ARFGEF1: variants seen among roughly 807,000 people sequenced by gnomAD.
ARFGEF1 encodes brefeldin A-inhibited guanine nucleotide-exchange protein 1.
A neutral mutation model predicts 231.0 loss-of-function variants in ARFGEF1; 42 were observed. The ratio of observed to expected loss-of-function variants is 0.18; its 90% CI spans 0.14 to 0.24. The LOEUF (loss-of-function observed/expected upper bound fraction) is 0.24, where lower values mean the gene tolerates loss of function less well. ARFGEF1 is among the 10% of genes least tolerant of loss of function. The pLI is 1.00. For synonymous variants in ARFGEF1, 710 were observed against 732.3 expected (o/e 0.97, Z 0.49); for missense variants, 1,345 against 2,192.0 (o/e 0.61, Z 7.72).
At chr8:67,269,181 T>C (rs1211731704) in intron 10 of ARFGEF1, among the ~76,000 whole-genome samples, 1 of 152,154 alleles carries the variant, frequency 6.6e-6, no homozygotes, top group Non-Finnish European at 1.5e-5. Context: ...TGAAAAGTTG[T>C]ACATAAACTG....
rs369486516 is a variant in ARFGEF1, at chr8:67,211,526, C to T, written c.4776G>A (p.Ala1592=). 1.9e-5 allele frequency: 31 copies of T among 1,594,910 alleles called. No individual in the cohort carries two copies. Among genetic ancestry groups the T allele is most frequent in the East Asian group, 1.3e-4 (6 of 44,480 alleles). The change falls in exon 34 of 39, where the codon GCG becomes GCA. Residue 1592 remains alanine (A), a synonymous_variant. Coordinates refer to ENST00000262215, the MANE Select transcript of ARFGEF1 (RefSeq NM_006421.5). ...TGCTGACTTCTTCATTAACAGCAGA[C>T]GCAGAAACCAGTGGTGCTTGTGGTC... ...DNRPQAPLVS[A]SAVNEEVSKI...
At chr8:67,314,991 C>T (rs900433540) in intron 1 of ARFGEF1, among the ~76,000 whole-genome samples, 4 of 152,128 alleles carry the variant, frequency 2.6e-5, no homozygotes, top group Non-Finnish European at 5.9e-5. Flanking sequence ...TGCACTCCAA[C>T]CTAGGTGACA....
At chr8:67,202,970 A>G (rs1427581407) in intron 36 of ARFGEF1, 113 bp downstream of exon 36, 3 of 1,101,276 alleles carry the variant, frequency 2.7e-6, no homozygotes, top group Non-Finnish European at 3.9e-6. Flanking sequence ...GTCAGAGTAC[A>G]TATAGTGACA....
chr8:67,211,610 T>C lies in ARFGEF1; in HGVS notation c.4692A>G (p.Thr1564=), dbSNP rs202159288. ...GAATATCTACAGACTTCTGTGATAT[T>C]GTATCCTAATAAATAAAAAAAAAAT... The part of the protein sequence containing the change: ...PSPVSEKPLD[T]ISQKSVDIHD... Residue 1564 remains threonine, a synonymous_variant, in exon 34 of 39, where the codon ACA becomes ACG. Transcript: ENST00000262215. 34 of 1,468,260 alleles carry C rather than the reference T, an allele frequency of 2.3e-5. No individual in the cohort carries two copies. Among genetic ancestry groups the C allele is most frequent in the Non-Finnish European group, 3.1e-5 (34 of 1,097,050 alleles). 91.0% of individuals were successfully genotyped at this position (1,468,260 alleles called of 1,614,324 possible).
chr8:67,321,448 GT>G (rs370429350), intron 1 of ARFGEF1, among the ~76,000 whole-genome samples: 1 of 151,564 alleles, frequency 6.6e-6, no homozygotes, highest in Non-Finnish European at 1.5e-5. Flanking sequence ...GAGAACTTCT[GT>G]TTTTTTTGTT....
chr8:67,208,093 G>C (rs1587039622), intron 34 of ARFGEF1, among the ~76,000 whole-genome samples: 2 of 152,196 alleles, frequency 1.3e-5, no homozygotes, highest in African/African-American at 4.8e-5. Flanking sequence ...TCTTGGTGCA[G>C]ACTGAAGCTG....
chr8:67,272,590 T>G (rs1805142266), intron 9 of ARFGEF1, among the ~76,000 whole-genome samples: 1 of 152,224 alleles, frequency 6.6e-6, no homozygotes, highest in Non-Finnish European at 1.5e-5. Flanking sequence ...ACCATACTTC[T>G]TACAAATCAT....
intron 6 of ARFGEF1, among the ~76,000 whole-genome samples, chr8:67,290,190 A>G (rs1805947264): frequency 1.3e-5 from 2 of 152,218 alleles, no homozygotes; most frequent in African/African-American, 2.4e-5. Flanking sequence ...ATCCCACAGG[A>G]AACTATGTCT....
intron 22 of ARFGEF1, 126 bp from the exon 23 acceptor site, chr8:67,233,071 A>G: frequency 1.3e-6 from 1 of 762,636 alleles, no homozygotes; most frequent in Non-Finnish European, 2.1e-6. Flanking sequence ...TCAGGTGAAC[A>G]ATTCTTTTGA....
Position 67,216,607 on chromosome 8 carries a change from C to T in ARFGEF1, c.4669G>A (p.Val1557Ile). 1.9e-6 allele frequency: 3 copies of T among 1,604,488 alleles called. No homozygotes were observed. Among genetic ancestry groups the T allele is most frequent in the Non-Finnish European group, 2.5e-6 (3 of 1,177,268 alleles). The change falls in exon 33 of 39, where the codon GTA (valine) becomes ATA (isoleucine). Residue 1557 changes from valine to isoleucine, a missense_variant. By Grantham distance (29) the Val-to-Ile change is conservative (BLOSUM62 3). Around this residue, in one of 14 missense-constraint regions of ARFGEF1, gnomAD observed 89 missense variants for 74.8 expected, o/e 1.19. Transcript: ENST00000262215. ...GETAPPPPSPVSEKPLDTISQ... is the reference protein window; with the variant it reads ...GETAPPPPSPISEKPLDTISQ... ...AAACTTACCAATGGCTTTTCACTTA[C>T]AGGAGATGGAGGTGGGGGGGCAGTT...
chr8:67,256,243 T>C (rs946495764), intron 17 of ARFGEF1, among the ~76,000 whole-genome samples: 3 of 152,352 alleles, frequency 2.0e-5, no homozygotes, highest in East Asian at 1.9e-4. Context: ...GCTTTGACTA[T>C]ACTGCCAAAA....
chr8:67,203,503 CCTTCT>C (rs1181256626), intron 35 of ARFGEF1, among the ~76,000 whole-genome samples: 1 of 152,198 alleles, frequency 6.6e-6, no homozygotes, highest in African/African-American at 2.4e-5. Flanking sequence ...TCAAGTCCTC[CCTTCT>C]CTTCTCAACT....
At chr8:67,183,041 C>T (rs187551589) in intron 5 of ARFGEF1, among the ~76,000 whole-genome samples, 3 of 152,324 alleles carry the variant, frequency 2.0e-5, no homozygotes, top group African/African-American at 7.2e-5. Flanking sequence ...TCTAAGACAT[C>T]GTTGCCAAAT....
chr8:67,236,954 C>T (rs960141584), intron 22 of ARFGEF1, among the ~76,000 whole-genome samples: 1 of 152,110 alleles, frequency 6.6e-6, no homozygotes. Context: ...CATTATTTCT[C>T]GTTTGACTAA....
Position 67,220,651 on chromosome 8 carries a change from G to A in ARFGEF1, c.4209-1091C>T, listed in dbSNP as rs9918781. Among the ~76,000 whole-genome samples, 983 of 152,244 alleles carry A rather than the reference G, an allele frequency of 6.5e-3. 7 individuals carry two copies. Among genetic ancestry groups the A allele is most frequent in the African/African-American group, 0.023 (941 of 41,534 alleles). On this transcript the variant is annotated intron_variant, in intron 29 of 38. Coordinates refer to ENST00000262215, the MANE Select transcript of ARFGEF1 (RefSeq NM_006421.5). ...GGAAAGAAAGTCTTCCACAGGAGAC[G>A]CCTGTCAGAGTTCCACCACTGATGC...
At chr8:67,203,035 C>T in intron 36 of ARFGEF1, 48 bp downstream of exon 36, 2 of 1,569,704 alleles carry the variant, frequency 1.3e-6, no homozygotes, top group South Asian at 2.4e-5. Flanking sequence ...TGTACCTGTC[C>T]CACATCCATC....
intron 19 of ARFGEF1, among the ~76,000 whole-genome samples, chr8:67,248,577 G>T (rs976424648): frequency 6.6e-6 from 1 of 150,438 alleles, no homozygotes; most frequent in African/African-American, 2.5e-5. Flanking sequence ...ATTAAGCTGG[G>T]CAAAGATTTC....
chr8:67,182,069 A>G (rs1467784542), intron 5 of ARFGEF1, among the ~76,000 whole-genome samples: 3 of 152,040 alleles, frequency 2.0e-5, no homozygotes, highest in African/African-American at 7.2e-5. Context: ...TGGTGTGATC[A>G]TGGCTCACTG....
chr8:67,192,726 T>C (rs1042868535), downstream of ARFGEF1, among the ~76,000 whole-genome samples: 25 of 152,362 alleles, frequency 1.6e-4, 1 homozygote, highest in Admixed American at 1.4e-3. Flanking sequence ...TTCTTTTGCA[T>C]GTGGCCATCC....
Sources: gnomAD v4.1 joint callset for allele counts (sites outside exome capture counted in the v4.1 genomes callset) on GRCh38, gnomAD v4.1.1 for gene constraint, gnomAD v4.1.1 regional missense constraint, MANE v1.5 for transcripts, NCBI Gene and HGNC (gene_info 2026-07-23, HGNC 2026-07-21) for gene names.